The following PARD3B variants were observed in gnomAD, a reference collection of about 807,000 sequenced individuals.
PARD3B encodes the protein par-3 family cell polarity regulator beta, also known as partitioning defective 3 homolog B.
A neutral mutation model predicts 130.2 loss-of-function variants in PARD3B; 103 were observed. The observed-to-expected ratio is 0.79, with a 90% confidence interval of 0.67 to 0.93. PARD3B has a LOEUF of 0.93. PARD3B is among the 40% of genes least tolerant of loss of function. The pLI is 0.00. For missense variants in PARD3B, 1,609 were observed against 1,499.2 expected (o/e 1.07, Z -1.21); for synonymous variants, 583 against 553.2 (o/e 1.05, Z -0.76).
chr2:205,297,049 A>G (rs2041824018), intron 16 of PARD3B, among the ~76,000 whole-genome samples: 1 of 152,028 alleles, frequency 6.6e-6, no homozygotes, highest in Non-Finnish European at 1.5e-5. Context: ...AATCTTGTGT[A>G]TGTTGAGCTC....
At chr2:204,615,571 A>G (rs559371111) in intron 1 of PARD3B, among the ~76,000 whole-genome samples, 1 of 152,284 alleles carries the variant, frequency 6.6e-6, no homozygotes, top group South Asian at 2.1e-4. Context: ...TAGTTTATCC[A>G]AACCCCAACT....
chr2:205,278,586 A>G (rs2041046343), intron 16 of PARD3B, among the ~76,000 whole-genome samples: 1 of 152,158 alleles, frequency 6.6e-6, no homozygotes, highest in Admixed American at 6.5e-5. Flanking sequence ...AGCTTTAGGG[A>G]CTTAGAAATA....
At chr2:204,938,934 A>G (rs1309159736) in intron 2 of PARD3B, among the ~76,000 whole-genome samples, 2 of 152,200 alleles carry the variant, frequency 1.3e-5, no homozygotes, top group African/African-American at 4.8e-5. Flanking sequence ...GCCCTTGACT[A>G]TCTCAATGAT....
chr2:204,753,865 A>G (rs564214364), intron 2 of PARD3B, among the ~76,000 whole-genome samples: 1 of 152,280 alleles, frequency 6.6e-6, no homozygotes, highest in African/African-American at 2.4e-5. Flanking sequence ...TCAGCTGGGC[A>G]ACGTAGTAAG....
intron 1 of PARD3B, among the ~76,000 whole-genome samples, chr2:204,633,035 T>G (rs1356530042): frequency 6.6e-6 from 1 of 152,202 alleles, no homozygotes; most frequent in Non-Finnish European, 1.5e-5. Context: ...AATGCTGCAG[T>G]GAACATGAGA....
chr2:205,051,906 C>A (rs1699216976), intron 4 of PARD3B, among the ~76,000 whole-genome samples: 5 of 152,146 alleles, frequency 3.3e-5, no homozygotes, highest in African/African-American at 1.2e-4. Context: ...CAGAATAGTA[C>A]AATCATTAAT....
intron 22 of PARD3B, among the ~76,000 whole-genome samples, chr2:205,566,410 G>T (rs2053334741): frequency 6.6e-6 from 1 of 152,170 alleles, no homozygotes; most frequent in South Asian, 2.1e-4. Context: ...TCGGAGAGAA[G>T]TGGGAGGAGC....
intron 18 of PARD3B, among the ~76,000 whole-genome samples, chr2:205,331,741 C>T (rs576923778): frequency 7.5e-6 from 1 of 132,690 alleles, no homozygotes; most frequent in Non-Finnish European, 1.5e-5. Flanking sequence ...CAAGAATGAG[C>T]CATTCCACTC....
At chr2:205,109,494 A>G (rs921673430) in intron 5 of PARD3B, among the ~76,000 whole-genome samples, 4 of 152,322 alleles carry the variant, frequency 2.6e-5, no homozygotes, top group African/African-American at 9.6e-5. Context: ...CTTTTAGCCT[A>G]TAAGCTTGTT....
chr2:205,615,343 G>A (rs2055387223), intron 22 of PARD3B, 113 bp from the exon 23 acceptor site: 2 of 805,144 alleles, frequency 2.5e-6, no homozygotes, highest in Non-Finnish European at 4.1e-6. Flanking sequence ...CCATCCCATT[G>A]GCCAGACCTA....
intron 12 of PARD3B, among the ~76,000 whole-genome samples, chr2:205,175,939 G>A (rs577481369): frequency 1.7e-4 from 26 of 152,276 alleles, no homozygotes; most frequent in Admixed American, 3.9e-4. Context: ...GCGTCACAGC[G>A]GTTTGATTTA....
chr2:204,973,690 T>C (rs1456875978), intron 3 of PARD3B, among the ~76,000 whole-genome samples: 1 of 152,208 alleles, frequency 6.6e-6, no homozygotes. Context: ...TTGCTTTATC[T>C]GATAAAGCCT....
At chr2:204,688,774 C>G (rs1215621162) in intron 2 of PARD3B, among the ~76,000 whole-genome samples, 1 of 152,042 alleles carries the variant, frequency 6.6e-6, no homozygotes, top group Non-Finnish European at 1.5e-5. Context: ...AATGACATAT[C>G]AGTCTCACTC....
chr2:205,300,443 G>T lies in PARD3B; in HGVS notation c.2186-87G>T. On this transcript the variant is annotated intron_variant, in intron 16 of 22. Coordinates refer to ENST00000406610, the MANE Select transcript of PARD3B (RefSeq NM_001302769.2). This position sits in a 1 kb window ranked among gnomAD's most constrained non-coding sequence, Gnocchi z 4.1. ...CCACTTAACACCCCTTTTTTGGGAT[G>T]TCCAGACAGAAATATTCTTAGAACA... The T allele has an allele frequency of 3.1e-6, 4 of 1,280,246 alleles. No individual in the cohort carries two copies. Among genetic ancestry groups the T allele is most frequent in the Admixed American group, 3.8e-5 (2 of 53,248 alleles). 79.3% of individuals were successfully genotyped at this position (1,280,246 alleles called of 1,614,324 possible). A position where few individuals can be genotyped will look rare whatever the true frequency, so the allele number is the denominator to read the frequency against.
chr2:205,054,430 ATATATATTTTTTTTTTTTTTTT>A (rs1699482738), intron 4 of PARD3B, among the ~76,000 whole-genome samples: 1 of 37,696 alleles, frequency 2.7e-5, no homozygotes, highest in Non-Finnish European at 4.5e-5. Context: ...ATATATATAT[ATATATATTTTTTTTTTTTTTTT>A]TTTTTAATTA....
At chr2:205,254,458 G>A (rs190833265) in intron 16 of PARD3B, among the ~76,000 whole-genome samples, 1 of 152,160 alleles carries the variant, frequency 6.6e-6, no homozygotes, top group African/African-American at 2.4e-5. Context: ...ATTTTAGGAT[G>A]TATTGGTTTT....
intron 2 of PARD3B, among the ~76,000 whole-genome samples, chr2:204,840,322 CT>C (rs1368659990): frequency 1.3e-5 from 2 of 151,924 alleles, no homozygotes; most frequent in African/African-American, 4.8e-5. Flanking sequence ...AAACTTTTAC[CT>C]AATGAAAAAT....
At chr2:204,598,520 CTA>C (rs2033386070) in intron 1 of PARD3B, among the ~76,000 whole-genome samples, 1 of 151,840 alleles carries the variant, frequency 6.6e-6, no homozygotes, top group South Asian at 2.1e-4. Flanking sequence ...ATTATAGTGC[CTA>C]TATGATAGGG....
Position 205,180,205 on chromosome 2 carries a change from A to G in PARD3B, c.1924+3628A>G, listed in dbSNP as rs1471912890. On this transcript the variant is annotated intron_variant, in intron 13 of 22. Coordinates refer to ENST00000406610, the MANE Select transcript of PARD3B (RefSeq NM_001302769.2). ...TGGATCTGTGCTACCATACTAGATT[A>G]TAAAATTTAGGCCTATCAAAACACA... Among the ~76,000 whole-genome samples the G allele has an allele frequency of 3.3e-5, 5 of 151,192 alleles. No individual in the cohort carries two copies. The East Asian group carries it at 9.7e-4, about 29-fold the overall frequency.
Sources: allele counts gnomAD v4.1 joint callset (sites outside exome capture counted in the v4.1 genomes callset), GRCh38; gene constraint gnomAD v4.1.1; non-coding constraint Gnocchi (gnomAD v3.1); transcripts MANE v1.5; gene names NCBI Gene and HGNC (gene_info 2026-07-23, HGNC 2026-07-21).